Variants in FHOD3 observed in about 807,000 individuals in gnomAD.
The protein encoded by FHOD3 is FH1/FH2 domain-containing protein 3.
Under a neutral mutation model 173.0 loss-of-function variants are expected in FHOD3, and 90 were observed. The ratio of observed to expected loss-of-function variants is 0.52; its 90% CI spans 0.44 to 0.62. FHOD3 has a LOEUF of 0.62. Among genes scored for constraint, FHOD3 ranks in the 20% least tolerant of loss-of-function variants. FHOD3 has a pLI of 0.00. For missense variants in FHOD3, 1,945 were observed against 2,034.7 expected (o/e 0.96, Z 0.85); for synonymous variants, 828 against 823.0 (o/e 1.01, Z -0.10).
At chr18:36,721,451 G>A (rs1400757172) in intron 19 of FHOD3, among the ~76,000 whole-genome samples, 1 of 152,150 alleles carries the variant, frequency 6.6e-6, no homozygotes, top group African/African-American at 2.4e-5. Flanking sequence ...GACCAGCCTG[G>A]ACAACATGGT....
intron 3 of FHOD3, among the ~76,000 whole-genome samples, chr18:36,477,317 T>A (rs903843227): frequency 2.6e-5 from 4 of 152,150 alleles, no homozygotes; most frequent in Non-Finnish European, 5.9e-5. Flanking sequence ...GGGGATAATC[T>A]GATGAAACAA....
intron 3 of FHOD3, among the ~76,000 whole-genome samples, chr18:36,467,664 C>G (rs957171841): frequency 6.6e-6 from 1 of 152,124 alleles, no homozygotes; most frequent in South Asian, 2.1e-4. Flanking sequence ...TTTATAAAAC[C>G]AAGAAAACAC....
intron 8 of FHOD3, among the ~76,000 whole-genome samples, chr18:36,606,460 C>T (rs1029163509): frequency 2.0e-5 from 3 of 152,070 alleles, no homozygotes; most frequent in Non-Finnish European, 4.4e-5. Flanking sequence ...GGCATTCATC[C>T]GATTTACCTC....
chr18:36,474,796 T>G (rs2053467664), intron 3 of FHOD3, among the ~76,000 whole-genome samples: 1 of 152,118 alleles, frequency 6.6e-6, no homozygotes, highest in South Asian at 2.1e-4. Flanking sequence ...AAGAAGCCCC[T>G]TGGCCATGGC....
At chr18:36,401,802 G>A (rs2048823743) in intron 3 of FHOD3, among the ~76,000 whole-genome samples, 1 of 152,220 alleles carries the variant, frequency 6.6e-6, no homozygotes, top group Non-Finnish European at 1.5e-5. Flanking sequence ...ACGGTATGTA[G>A]CACAGAGTGG....
Position 36,681,444 on chromosome 18 carries a change from C to G in FHOD3, c.1844C>G (p.Pro615Arg). The G allele has an allele frequency of 6.2e-7, 1 of 1,613,718 alleles. No homozygotes were observed. Among genetic ancestry groups the G allele is most frequent in the Non-Finnish European group, 8.5e-7 (1 of 1,179,824 alleles). ...PQEARLERSS[P>R]SGLLTSSFRQ... ...ACTCATTGTATCTCCAGGTCATCACCGAGTGGTCTTCTCACATCATCCTTC... is the reference window on the plus strand; with the variant it reads ...ACTCATTGTATCTCCAGGTCATCACGGAGTGGTCTTCTCACATCATCCTTC... The change falls in exon 15 of 29, where the codon CCG becomes CGG. Residue 615 changes from proline (P) to arginine (R), a missense_variant. Transcript: ENST00000590592.
At chr18:36,438,231 G>A (rs2050925589) in intron 3 of FHOD3, among the ~76,000 whole-genome samples, 1 of 152,012 alleles carries the variant, frequency 6.6e-6, no homozygotes, top group African/African-American at 2.4e-5. Context: ...TTACCTTCAC[G>A]CTGAGGAGCC....
At chr18:36,659,349 A>C (rs1004826552) in intron 14 of FHOD3, among the ~76,000 whole-genome samples, 2 of 152,142 alleles carry the variant, frequency 1.3e-5, no homozygotes, top group Non-Finnish European at 2.9e-5. Context: ...TCTTGATAAT[A>C]AGGTAACCAT....
Position 36,611,948 on chromosome 18 carries a change from C to T in FHOD3, c.814-4C>T. On this transcript the variant is annotated splice_polypyrimidine_tract_variant and splice_region_variant and intron_variant, in intron 8 of 28. Transcript: ENST00000590592. ...CTCTGTAGCTGGTTCTTCTCTTCTT[C>T]CAGACGTTATCAGGACTACCAGACC... 2 of 1,612,774 alleles carry T rather than the reference C, an allele frequency of 1.2e-6. No individual in the cohort carries two copies. The highest frequency in any genetic ancestry group is 1.7e-6 in the Non-Finnish European group (2 of 1,179,472).
chr18:36,316,287 A>G (rs1210525699), intron 1 of FHOD3, among the ~76,000 whole-genome samples: 1 of 152,182 alleles, frequency 6.6e-6, no homozygotes, highest in African/African-American at 2.4e-5. Context: ...GTGAGGGGAC[A>G]AGGAGAAGTT....
intron 5 of FHOD3, among the ~76,000 whole-genome samples, chr18:36,568,485 T>C (rs1886323182): frequency 6.6e-6 from 1 of 151,820 alleles, no homozygotes; most frequent in South Asian, 2.1e-4. Flanking sequence ...GAAAGTTTTA[T>C]GTGAACCCCT....
intron 16 of FHOD3, among the ~76,000 whole-genome samples, chr18:36,689,669 A>G (rs2038838935): frequency 6.6e-6 from 1 of 152,176 alleles, no homozygotes. Context: ...GTAGTAAGGA[A>G]TGAGCCAGGC....
chr18:36,776,164 T>C (rs988865572), intron 28 of FHOD3, among the ~76,000 whole-genome samples: 14 of 152,226 alleles, frequency 9.2e-5, no homozygotes, highest in Middle Eastern at 3.4e-3. Context: ...CCCCCTTGTT[T>C]TGTTCTCTTA....
At chr18:36,642,479 C>T (rs564574144) in intron 10 of FHOD3, among the ~76,000 whole-genome samples, 2 of 142,020 alleles carry the variant, frequency 1.4e-5, no homozygotes, top group African/African-American at 2.6e-5. Flanking sequence ...ATTAGCCGGG[C>T]GTGGTGGCGG....
chr18:36,678,102 A>G, intron 14 of FHOD3, among the ~76,000 whole-genome samples: 1 of 152,260 alleles, frequency 6.6e-6, no homozygotes, highest in African/African-American at 2.4e-5. Flanking sequence ...GTAAATAGTG[A>G]TGTTGTATTT....
chr18:36,676,096 A>G (rs571281304), intron 14 of FHOD3, among the ~76,000 whole-genome samples: 7 of 152,348 alleles, frequency 4.6e-5, no homozygotes, highest in Admixed American at 2.6e-4. Context: ...TTATAGAGCA[A>G]TAAAGAGTAT....
intron 6 of FHOD3, among the ~76,000 whole-genome samples, chr18:36,590,611 A>G (rs1337818105): frequency 6.6e-6 from 1 of 152,232 alleles, no homozygotes; most frequent in East Asian, 1.9e-4. Flanking sequence ...TTCCAAAGGT[A>G]CATCCACATA....
intron 28 of FHOD3, among the ~76,000 whole-genome samples, chr18:36,773,389 C>G (rs1279662401): frequency 6.6e-6 from 1 of 152,222 alleles, no homozygotes; most frequent in African/African-American, 2.4e-5. Flanking sequence ...CATGGTGGTA[C>G]TCAGGGAGGT....
chr18:36,547,676 G>T (rs1181258878), intron 5 of FHOD3, among the ~76,000 whole-genome samples: 1 of 152,178 alleles, frequency 6.6e-6, no homozygotes, highest in East Asian at 1.9e-4. Context: ...GGAAACCTTA[G>T]AGAAATTCGG....
Sources: allele counts gnomAD v4.1 joint callset (sites outside exome capture counted in the v4.1 genomes callset), GRCh38; gene constraint gnomAD v4.1.1; transcripts MANE v1.5; gene names NCBI Gene and HGNC (gene_info 2026-07-23, HGNC 2026-07-21).